The following CCNI variants were observed in gnomAD, a reference collection of about 807,000 sequenced individuals.
CCNI encodes the protein cyclin I.
A neutral mutation model predicts 34.1 loss-of-function variants in CCNI; 14 were observed. The ratio of observed to expected loss-of-function variants is 0.41; its 90% CI spans 0.27 to 0.64. The LOEUF is 0.64. Ranked by LOEUF, CCNI falls within the 30% of genes least tolerant of loss-of-function variation. The pLI is 0.31. For synonymous variants in CCNI, 154 were observed against 158.4 expected (o/e 0.97, Z 0.21); for missense variants, 385 against 440.5 (o/e 0.87, Z 1.13).
chr4:77,057,023 T>C (rs989066596), intron 3 of CCNI, among the ~76,000 whole-genome samples: 1 of 152,186 alleles, frequency 6.6e-6, no homozygotes, highest in Non-Finnish European at 1.5e-5. Flanking sequence ...AAAAGCTTGA[T>C]TTAGAAGTTT....
At chr4:77,052,507 A>G (rs1406692843) in intron 6 of CCNI, among the ~76,000 whole-genome samples, 1 of 152,090 alleles carries the variant, frequency 6.6e-6, no homozygotes, top group Admixed American at 6.6e-5. Flanking sequence ...GGAGGTTAAC[A>G]GGGACAAAAG....
intron 5 of CCNI, 72 bp downstream of exon 5, chr4:77,055,890 G>A: frequency 1.6e-6 from 2 of 1,235,680 alleles, no homozygotes; most frequent in East Asian, 4.7e-5. Flanking sequence ...TAAATGAGTA[G>A]GCAATCTATT....
intron 2 of CCNI, among the ~76,000 whole-genome samples, chr4:77,059,436 G>A (rs1728455425): frequency 6.6e-6 from 1 of 151,208 alleles, no homozygotes; most frequent in Admixed American, 6.6e-5. Flanking sequence ...TGAAAGAGCT[G>A]TAAGGAGAAT....
At chr4:77,048,813 T>C (rs994290882) in intron 6 of CCNI, 151 bp from the exon 7 acceptor site, 2 of 478,530 alleles carry the variant, frequency 4.2e-6, no homozygotes, top group Admixed American at 7.2e-5. Flanking sequence ...CATTTATTTA[T>C]CCAGCTACCC....
chr4:77,048,558 G>C lies in CCNI; in HGVS notation c.795C>G (p.Leu265=). The C allele has an allele frequency of 6.2e-7, 1 of 1,613,508 alleles. No homozygotes were observed. Among genetic ancestry groups the C allele is most frequent in the Non-Finnish European group, 8.5e-7 (1 of 1,179,586 alleles). ...PLNSVYVYRP[L]KHTLVTCDKG... ...TGTCACAGGTCACCAGGGTGTGCTT[G>C]AGGGGACGGTAGACATAAACGGAAT... The change falls in exon 7 of 7, where the codon CTC becomes CTG. Residue 265 remains leucine (L), a synonymous_variant. Coordinates refer to ENST00000237654, the MANE Select transcript of CCNI (RefSeq NM_006835.3).
chr4:77,055,512 G>A, intron 5 of CCNI, 132 bp from the exon 6 acceptor site: 2 of 643,406 alleles, frequency 3.1e-6, no homozygotes, highest in East Asian at 5.5e-5. Context: ...GCCCAGGCTG[G>A]AGTGCAGTAG....
chr4:77,048,358 T>G lies in CCNI; in HGVS notation c.995A>C (p.Asp332Ala). Reference protein sequence around the residue: ...KRKVEEMEVDDFYDGIKRLYN... With the variant: ...KRKVEEMEVDAFYDGIKRLYN... ...GAGCCGTTTGATTCCATCATAGAAG[T>G]CATCCACTTCCATTTCCTCTACTTT... The change falls in exon 7 of 7, where the codon GAC (aspartate) becomes GCC (alanine). Residue 332 changes from aspartate to alanine, a missense_variant. Physicochemically the swap from Asp to Ala is moderately radical, Grantham distance 126. Coordinates refer to ENST00000237654, the MANE Select transcript of CCNI (RefSeq NM_006835.3). 3 of 1,614,156 alleles carry G rather than the reference T, an allele frequency of 1.9e-6. No individual in the cohort carries two copies. Among genetic ancestry groups the G allele is most frequent in the Non-Finnish European group, 2.5e-6 (3 of 1,180,016 alleles).
intron 6 of CCNI, 56 bp from the exon 7 acceptor site, chr4:77,048,718 G>T: frequency 7.5e-7 from 1 of 1,339,258 alleles, no homozygotes; most frequent in Non-Finnish European, 1.0e-6. Context: ...AACATAGGCT[G>T]CTCTGTTATC....
chr4:77,052,445 CATCCCAGAATGGTG>C (rs1727929241), intron 6 of CCNI, among the ~76,000 whole-genome samples: 2 of 152,068 alleles, frequency 1.3e-5, no homozygotes, highest in Non-Finnish European at 2.9e-5. Context: ...GAGGTTTAGC[CATCCCAGAATGGTG>C]ACCAACAGGT....
intron 6 of CCNI, among the ~76,000 whole-genome samples, chr4:77,050,210 A>G (rs1727735497): frequency 6.6e-6 from 1 of 152,196 alleles, no homozygotes. Flanking sequence ...AGGACTGGCT[A>G]AACACCATCA....
At chr4:77,069,964 G>T (rs897074918) in intron 1 of CCNI, among the ~76,000 whole-genome samples, 1 of 150,218 alleles carries the variant, frequency 6.7e-6, no homozygotes, top group Non-Finnish European at 1.5e-5. Flanking sequence ...ACGATATTTT[G>T]CCTCTTCTAA....
At chr4:77,052,279 G>C (rs1007797367) in intron 6 of CCNI, among the ~76,000 whole-genome samples, 5 of 152,094 alleles carry the variant, frequency 3.3e-5, no homozygotes, top group Non-Finnish European at 7.4e-5. Flanking sequence ...CCATGTTGCT[G>C]CAAAGGACAT....
intron 6 of CCNI, among the ~76,000 whole-genome samples, chr4:77,050,387 C>G (rs1463880640): frequency 6.6e-6 from 1 of 152,102 alleles, no homozygotes; most frequent in African/African-American, 2.4e-5. Flanking sequence ...ATAACGCACT[C>G]TACAAGAACA....
intron 2 of CCNI, among the ~76,000 whole-genome samples, chr4:77,064,507 G>C (rs1020337937): frequency 4.6e-5 from 7 of 151,686 alleles, no homozygotes; most frequent in South Asian, 2.1e-4. Flanking sequence ...AGTGCCTAGA[G>C]TATAGCAGAT....
chr4:77,054,999 C>T (rs929769383), intron 6 of CCNI, 151 bp downstream of exon 6: 6 of 539,542 alleles, frequency 1.1e-5, no homozygotes, highest in African/African-American at 9.6e-5. Context: ...ATCACCTAGC[C>T]CGTAAATTTA....
At chr4:77,074,460 A>ATGTC (rs1187105610) in intron 1 of CCNI, among the ~76,000 whole-genome samples, 1 of 152,062 alleles carries the variant, frequency 6.6e-6, no homozygotes, top group Non-Finnish European at 1.5e-5. Flanking sequence ...ATTTCAACAA[A>ATGTC]CTCATTTTCA....
At chr4:77,070,677 G>A (rs1729393116) in intron 1 of CCNI, among the ~76,000 whole-genome samples, 1 of 152,064 alleles carries the variant, frequency 6.6e-6, no homozygotes, top group African/African-American at 2.4e-5. Context: ...TTCTAATGCA[G>A]ACATAAGTAT....
intron 2 of CCNI, among the ~76,000 whole-genome samples, chr4:77,061,593 C>T (rs541800788): frequency 2.6e-5 from 4 of 152,190 alleles, no homozygotes; most frequent in Non-Finnish European, 4.4e-5. Flanking sequence ...CTAAAAGGTT[C>T]ACCATTACCT....
chr4:77,056,133 G>A (rs1728209772), intron 4 of CCNI, 31 bp from the exon 5 acceptor site: 1 of 1,608,860 alleles, frequency 6.2e-7, no homozygotes, highest in Non-Finnish European at 8.5e-7. Flanking sequence ...CAGGGACAGG[G>A]AGAAAAGGAC....
Sources: gnomAD v4.1 joint callset for allele counts (sites outside exome capture counted in the v4.1 genomes callset) on GRCh38, gnomAD v4.1.1 for gene constraint, MANE v1.5 for transcripts, NCBI Gene and HGNC (gene_info 2026-07-23, HGNC 2026-07-21) for gene names.